Variants in WDR72 observed in about 807,000 individuals in gnomAD.
WDR72 encodes WD repeat domain 72, also known as WD repeat-containing protein 72.
WDR72 carries 120 observed loss-of-function variants against 124.2 expected under a neutral mutation model. The ratio of observed to expected loss-of-function variants is 0.97; its 90% confidence interval spans 0.83 to 1.12. WDR72 has a LOEUF of 1.12. Ranked by LOEUF, WDR72 falls within the 50% of genes most tolerant of loss-of-function variation. The pLI is 0.00. For synonymous variants in WDR72, 452 were observed against 441.7 expected (o/e 1.02, Z -0.29); for missense variants, 1,387 against 1,278.8 (o/e 1.08, Z -1.29).
At chr15:53,679,698 G>A (rs1302560802) in intron 13 of WDR72, among the ~76,000 whole-genome samples, 1 of 152,152 alleles carries the variant, frequency 6.6e-6, no homozygotes, top group Non-Finnish European at 1.5e-5. Context: ...TTAAATCAAT[G>A]GGAGGCAAAG....
chr15:53,567,214 TA>T (rs1193775424), intron 18 of WDR72, among the ~76,000 whole-genome samples: 1 of 152,034 alleles, frequency 6.6e-6, no homozygotes, highest in Non-Finnish European at 1.5e-5. Context: ...ATTTTCCCTG[TA>T]AATCCTTCCA....
chr15:53,555,248 G>C (rs1458546503), intron 18 of WDR72, among the ~76,000 whole-genome samples: 1 of 151,932 alleles, frequency 6.6e-6, no homozygotes, highest in East Asian at 1.9e-4. Flanking sequence ...TGCGGGAAGG[G>C]TAAGGAAACT....
intron 14 of WDR72, among the ~76,000 whole-genome samples, chr15:53,618,455 T>C (rs1045207949): frequency 3.9e-5 from 6 of 152,062 alleles, no homozygotes; most frequent in African/African-American, 1.4e-4. Flanking sequence ...CCTCTGTTTT[T>C]TCCTGCTAGA....
chr15:53,632,483 G>C (rs983422857), intron 14 of WDR72, among the ~76,000 whole-genome samples: 1 of 152,086 alleles, frequency 6.6e-6, no homozygotes, highest in African/African-American at 2.4e-5. Flanking sequence ...GAGGGGAAAT[G>C]GGGGGTTGAA....
chr15:53,567,403 C>A (rs968361949), intron 18 of WDR72, among the ~76,000 whole-genome samples: 6 of 151,900 alleles, frequency 3.9e-5, no homozygotes, highest in Non-Finnish European at 8.8e-5. Flanking sequence ...ACAGGCCCAC[C>A]ACTCTCCCCA....
chr15:53,683,409 T>C (rs1411903077), intron 13 of WDR72, among the ~76,000 whole-genome samples: 3 of 152,160 alleles, frequency 2.0e-5, no homozygotes, highest in Non-Finnish European at 4.4e-5. Flanking sequence ...CCTAACCTGA[T>C]CATTACATAT....
chr15:53,590,265 T>C (rs531255946), intron 18 of WDR72, among the ~76,000 whole-genome samples: 2 of 152,140 alleles, frequency 1.3e-5, no homozygotes, highest in East Asian at 1.9e-4. Context: ...ATCTTGTACA[T>C]TTTTAGCATT....
chr15:53,580,211 T>C (rs555703104), intron 18 of WDR72, among the ~76,000 whole-genome samples: 139 of 152,152 alleles, frequency 9.1e-4, no homozygotes, highest in Non-Finnish European at 1.8e-3. Flanking sequence ...AAGTAAGACA[T>C]AAAAATCCAG....
chr15:53,637,934 A>G (rs145518542), intron 14 of WDR72, among the ~76,000 whole-genome samples: 1 of 152,100 alleles, frequency 6.6e-6, no homozygotes, highest in Non-Finnish European at 1.5e-5. Flanking sequence ...GATTCCTTCA[A>G]TGGGGGGTGG....
At chr15:53,625,959 T>A (rs2014189077) in intron 14 of WDR72, among the ~76,000 whole-genome samples, 1 of 152,218 alleles carries the variant, frequency 6.6e-6, no homozygotes, top group African/African-American at 2.4e-5. Context: ...AAGACTGGTT[T>A]TACTCCTGGC....
At position 53,548,854 on chromosome 15, in the gene WDR72, T is replaced by A. The variant is rs149983696; in HGVS notation, c.3149-25532A>T. On this transcript the variant is annotated intron_variant, in intron 18 of 19. Coordinates refer to ENST00000360509, the MANE Select transcript of WDR72 (RefSeq NM_182758.4). ...AGAATTCAGAGTCAACAGAGAGAGA[T>A]TAGCATAGACAGCAATGCAAACAGT... is the stretch of plus-strand genomic sequence containing the variant. Among the ~76,000 whole-genome samples, 246 of 152,284 alleles carry A rather than the reference T, an allele frequency of 1.6e-3. 3 individuals carry two copies. The East Asian group carries it at 0.035, about 22-fold the overall frequency.
chr15:53,523,021 C>T (rs1387977128), intron 19 of WDR72, among the ~76,000 whole-genome samples, 197 bp downstream of exon 19: 1 of 151,980 alleles, frequency 6.6e-6, no homozygotes, highest in Non-Finnish European at 1.5e-5. Flanking sequence ...TTTGTACTTC[C>T]TCCAACTGAA....
intron 18 of WDR72, among the ~76,000 whole-genome samples, chr15:53,589,297 C>T (rs12907585): frequency 9.6e-6 from 1 of 104,512 alleles, no homozygotes; most frequent in East Asian, 3.1e-4. Context: ...TTTGTATTCA[C>T]GAATTTCAGT....
intron 17 of WDR72, among the ~76,000 whole-genome samples, chr15:53,605,523 A>G (rs1445534440): frequency 4.9e-4 from 75 of 152,234 alleles, no homozygotes; most frequent in Admixed American, 7.2e-4. Context: ...TCAAGCTAAC[A>G]TAATTCAACT....
chr15:53,647,682 C>T (rs2015090270), intron 14 of WDR72, among the ~76,000 whole-genome samples: 1 of 152,216 alleles, frequency 6.6e-6, no homozygotes, highest in Non-Finnish European at 1.5e-5. Flanking sequence ...GCAGAGACCC[C>T]TTCTGACCCC....
At chr15:53,690,490 T>C (rs1432682386) in intron 13 of WDR72, among the ~76,000 whole-genome samples, 2 of 152,210 alleles carry the variant, frequency 1.3e-5, no homozygotes, top group East Asian at 1.9e-4. Flanking sequence ...TCTGGTTTTA[T>C]GGATTTGCCT....
intron 18 of WDR72, 77 bp from the exon 19 acceptor site, chr15:53,523,399 T>C (rs895279503): frequency 8.6e-6 from 12 of 1,389,878 alleles, no homozygotes; most frequent in South Asian, 1.2e-5. Context: ...CATTAAAACA[T>C]TTCCTTTCAG....
intron 15 of WDR72, among the ~76,000 whole-genome samples, chr15:53,614,120 G>A (rs189264452): frequency 1.3e-5 from 2 of 152,134 alleles, no homozygotes; most frequent in Admixed American, 6.6e-5. Flanking sequence ...GTTCACATCT[G>A]TCAAAGAATT....
rs1451532050 is a variant in WDR72, at chr15:53,711,431, A to G, written c.762T>C (p.Asn254=). ...FSLLLTEVSR[N]GQFFAGGEVI... ...CTTCTCCACCAGCAAAGAACTGCCCATTTCTACTAACTTCAGTCAGCAGAA... is the reference window on the plus strand; with the variant it reads ...CTTCTCCACCAGCAAAGAACTGCCCGTTTCTACTAACTTCAGTCAGCAGAA... The change falls in exon 8 of 20, where the codon AAT becomes AAC. Residue 254 remains asparagine, a synonymous_variant. Transcript: ENST00000360509. The G allele has an allele frequency of 1.2e-6, 2 of 1,614,148 alleles. No homozygotes were observed. Among genetic ancestry groups the G allele is most frequent in the East Asian group, 2.2e-5 (1 of 44,886 alleles).
Sources: gnomAD v4.1 joint callset for allele counts (sites outside exome capture counted in the v4.1 genomes callset) on GRCh38, gnomAD v4.1.1 for gene constraint, MANE v1.5 for transcripts, NCBI Gene and HGNC (gene_info 2026-07-23, HGNC 2026-07-21) for gene names.